GPC4: variants seen among roughly 807,000 people sequenced by gnomAD.
GPC4 encodes glypican 4, also known as glypican-4.
GPC4 carries 10 observed loss-of-function variants against 35.0 expected under a neutral mutation model. The ratio of observed to expected loss-of-function variants is 0.29; its 90% CI spans 0.18 to 0.48. The LOEUF (loss-of-function observed/expected upper bound fraction) is 0.48, where lower values mean the gene tolerates loss of function less well. Ranked by LOEUF, GPC4 falls within the 20% of genes least tolerant of loss-of-function variation. The pLI is 0.99. For missense variants in GPC4, 322 were observed against 451.3 expected (o/e 0.71, Z 2.60); for synonymous variants, 167 against 170.2 (o/e 0.98, Z 0.15).
In GPC4 at chrX:133,302,890, C is replaced by A; in HGVS notation, c.1648G>T (p.Val550Phe). ...LLTVFCILFL[V>F]MQREWR Reference sequence around the variant, plus strand: ...AATTATCTCCACTCTCTCTGCATAACCAGGAACAAGATGCAGAAGACAGTG... The same window carrying A: ...AATTATCTCCACTCTCTCTGCATAAACAGGAACAAGATGCAGAAGACAGTG... The change falls in exon 9 of 9, where the codon GTT becomes TTT. Residue 550 changes from valine to phenylalanine, a missense_variant. This residue lies in a region of GPC4 where 99 missense variants were observed against 110.0 expected (regional missense o/e 0.90). Transcript: ENST00000370828. The A allele has an allele frequency of 8.3e-7, 1 of 1,211,077 alleles. No homozygotes were observed. The highest frequency in any genetic ancestry group is 1.1e-6 in the Non-Finnish European group (1 of 894,978).
intron 2 of GPC4, 130 bp from the exon 3 acceptor site, chrX:133,324,666 A>G: frequency 4.9e-6 from 3 of 614,856 alleles, no homozygotes; most frequent in Non-Finnish European, 7.1e-6. Context: ...GTGTTTGTAT[A>G]TAGGGTGAAT....
intron 2 of GPC4, among the ~76,000 whole-genome samples, chrX:133,325,374 C>A (rs1469682591): frequency 9.1e-6 from 1 of 110,339 alleles, no homozygotes; most frequent in Admixed American, 9.8e-5. Flanking sequence ...ATGAAAAAAA[C>A]TGAAAAATGT....
At chrX:133,308,661 A>C (rs202108653) in intron 4 of GPC4, among the ~76,000 whole-genome samples, 2 of 111,429 alleles carry the variant, frequency 1.8e-5, no homozygotes, top group African/African-American at 3.3e-5. Context: ...GGCAACAAGA[A>C]GACGGATTTG....
At position 133,359,902 on chromosome X, in the gene GPC4, T is replaced by C. The variant is rs747359179; in HGVS notation, c.161-20561A>G. ...GACTGGTGCTTGTCAATGTAATTCC[T>C]ATTCATAAGCGGGGTTCTAGAAGGG... On this transcript the variant is annotated intron_variant, in intron 1 of 8. Transcript: ENST00000370828. Among the ~76,000 whole-genome samples, 4 of 111,166 alleles carry C rather than the reference T, an allele frequency of 3.6e-5. No homozygotes were observed. In the East Asian group the frequency reaches 1.1e-3, roughly 32 times the overall value.
intron 4 of GPC4, among the ~76,000 whole-genome samples, chrX:133,308,596 G>T (rs771999654): frequency 9.8e-5 from 11 of 111,793 alleles, no homozygotes; most frequent in African/African-American, 3.6e-4. Flanking sequence ...ATTTACTAAA[G>T]GGTCTCAATT....
chrX:133,411,598 T>C (rs748909220), intron 1 of GPC4, among the ~76,000 whole-genome samples: 1 of 110,934 alleles, frequency 9.0e-6, no homozygotes, highest in Non-Finnish European at 1.9e-5. Context: ...ACCACTGTGT[T>C]GTATTCTAAT....
At chrX:133,312,071 G>T (rs1298476144) in intron 3 of GPC4, among the ~76,000 whole-genome samples, 9 of 111,485 alleles carry the variant, frequency 8.1e-5, no homozygotes, top group Non-Finnish European at 3.8e-5. Flanking sequence ...AGGCTTGGGA[G>T]TACTAAAGCA....
intron 3 of GPC4, among the ~76,000 whole-genome samples, chrX:133,314,484 T>C (rs1257955145): frequency 9.0e-6 from 1 of 111,672 alleles, no homozygotes; most frequent in Non-Finnish European, 1.9e-5. Context: ...TTCCATTTCA[T>C]TATTTGGCTA....
chrX:133,387,351 C>T (rs1303347980), intron 1 of GPC4, among the ~76,000 whole-genome samples: 1 of 110,730 alleles, frequency 9.0e-6, no homozygotes, highest in Admixed American at 9.7e-5. Context: ...GATATTAATT[C>T]CTTCTTATTT....
intron 3 of GPC4, among the ~76,000 whole-genome samples, chrX:133,314,797 T>G (rs1280509037): frequency 1.8e-5 from 2 of 110,793 alleles, no homozygotes; most frequent in African/African-American, 3.3e-5. Context: ...AGGGAAGAGT[T>G]TTAAAACAGT....
At chrX:133,367,141 T>C (rs2068593215) in intron 1 of GPC4, among the ~76,000 whole-genome samples, 2 of 112,355 alleles carry the variant, frequency 1.8e-5, no homozygotes, top group Admixed American at 9.4e-5. Context: ...CTTTCATTGC[T>C]TCTTTTATTC....
intron 1 of GPC4, among the ~76,000 whole-genome samples, chrX:133,340,388 C>T (rs761023214): frequency 1.8e-5 from 2 of 111,673 alleles, no homozygotes; most frequent in South Asian, 3.8e-4. Flanking sequence ...ATTTTGTACA[C>T]GTTTACAAGG....
intron 2 of GPC4, among the ~76,000 whole-genome samples, chrX:133,325,993 G>A (rs2068391184): frequency 9.3e-6 from 1 of 107,403 alleles, no homozygotes; most frequent in Non-Finnish European, 1.9e-5. Flanking sequence ...CCTGGTTCCA[G>A]CTTTTCAAAC....
At chrX:133,356,086 A>C (rs1013107688) in intron 1 of GPC4, among the ~76,000 whole-genome samples, 6 of 111,277 alleles carry the variant, frequency 5.4e-5, no homozygotes, top group African/African-American at 2.0e-4. Context: ...AAGAACCAAG[A>C]ATTTTAGGTT....
intron 1 of GPC4, among the ~76,000 whole-genome samples, chrX:133,377,666 C>T (rs991145279): frequency 3.6e-5 from 4 of 111,012 alleles, no homozygotes; most frequent in Non-Finnish European, 7.5e-5. Flanking sequence ...TTGATCTTCA[C>T]AACTCAATGA....
intron 1 of GPC4, among the ~76,000 whole-genome samples, chrX:133,376,174 C>T (rs908626464): frequency 8.9e-6 from 1 of 112,364 alleles, no homozygotes; most frequent in Non-Finnish European, 1.9e-5. Context: ...TGGCTCAAAG[C>T]CAAGAAGAGC....
chrX:133,399,485 T>C (rs972658134), intron 1 of GPC4, among the ~76,000 whole-genome samples: 10 of 111,628 alleles, frequency 9.0e-5, no homozygotes, highest in Non-Finnish European at 9.4e-5. Context: ...AAAGGTGACA[T>C]ACTTCCTCTG....
chrX:133,329,134 G>A (rs2068407205), intron 2 of GPC4, among the ~76,000 whole-genome samples: 2 of 111,975 alleles, frequency 1.8e-5, no homozygotes, highest in African/African-American at 6.5e-5. Context: ...AAAAACAGGA[G>A]ATCTCTCATT....
chrX:133,376,861 C>T (rs936447435), intron 1 of GPC4, among the ~76,000 whole-genome samples: 5 of 111,657 alleles, frequency 4.5e-5, no homozygotes, highest in East Asian at 2.8e-4. Flanking sequence ...AAGGAGGCAC[C>T]GGGCAGATAG....
Sources: gnomAD v4.1 joint callset for allele counts (sites outside exome capture counted in the v4.1 genomes callset) on GRCh38, gnomAD v4.1.1 for gene constraint, gnomAD v4.1.1 regional missense constraint, MANE v1.5 for transcripts, NCBI Gene and HGNC (gene_info 2026-07-23, HGNC 2026-07-21) for gene names.